Variants in CCDC9 observed in about 807,000 individuals in gnomAD.
CCDC9 encodes coiled-coil domain-containing protein 9.
Under a neutral mutation model 65.6 loss-of-function variants are expected in CCDC9, and 52 were observed. The observed-to-expected ratio is 0.79, with a 90% CI of 0.63 to 1.00. CCDC9 has a LOEUF of 1.00. CCDC9 is among the 50% of genes least tolerant of loss of function. CCDC9 has a pLI of 0.00. For synonymous variants in CCDC9, 332 were observed against 280.3 expected, an observed-to-expected ratio of 1.18 and a Z score of -1.84; for missense variants, 834 against 757.2, an observed-to-expected ratio of 1.10 and a Z score of -1.19.
rs368847208 is a variant in CCDC9 at position 47,261,749 on chromosome 19, G to A, written c.462+910G>A. 3.3e-5 allele frequency among the ~76,000 whole-genome samples: 5 copies of A among 150,080 alleles called. No individual in the cohort carries two copies. In the East Asian group the frequency reaches 7.9e-4, roughly 24 times the overall value. On this transcript the variant is annotated intron_variant, in intron 5 of 11. Transcript: ENST00000221922. Reference sequence around the variant, plus strand: ...AAAAAAAAAAAATGCTGGGCGTGGTGGCTCACGAGGCCTGTAATCCCAGCA... The same window carrying A: ...AAAAAAAAAAAATGCTGGGCGTGGTAGCTCACGAGGCCTGTAATCCCAGCA...
Position 47,271,618 on chromosome 19 carries a change from G to GACC in CCDC9, c.1539_1541dup (p.Thr514dup). 1.2e-6 allele frequency: 2 copies of GACC among 1,610,530 alleles called. No individual in the cohort carries two copies. Among genetic ancestry groups the GACC allele is most frequent in the Non-Finnish European group, 1.7e-6 (2 of 1,178,440 alleles). ...AAGAGGTGGAGCTGAATTCTCCCCG[G>GACC]ACCACTCACCTGGCTGGCGCCCTCT... On this transcript the variant is annotated inframe_insertion, in exon 12 of 12. Coordinates refer to ENST00000221922, the MANE Select transcript of CCDC9 (RefSeq NM_015603.3).
chr19:47,263,849 C>A (rs1490842760), intron 5 of CCDC9, among the ~76,000 whole-genome samples: 1 of 151,160 alleles, frequency 6.6e-6, no homozygotes, highest in Non-Finnish European at 1.5e-5. Flanking sequence ...CAGGCGTGAG[C>A]CACTGTGCCC....
In CCDC9 at chr19:47,264,812, G is replaced by A. The variant is rs1285127722; in HGVS notation, c.586G>A (p.Asp196Asn). The A allele has an allele frequency of 1.3e-6, 2 of 1,574,222 alleles. No homozygotes were observed. Among genetic ancestry groups the A allele is most frequent in the Admixed American group, 1.8e-5 (1 of 56,642 alleles). The change falls in exon 7 of 12, where the codon GAC (aspartate) becomes AAC (asparagine). Residue 196 changes from aspartate to asparagine, a missense_variant. By Grantham distance (23) the Asp-to-Asn change is conservative. Transcript: ENST00000221922. ...ACCCAACCCAGTGCGGAACTTCCTG[G>A]ACGACCCCCGGCGACGCAGCGGGCC... ...LEPNPVRNFL[D>N]DPRRRSGPLE...
At chr19:47,262,562 G>T (rs566494907) in intron 5 of CCDC9, among the ~76,000 whole-genome samples, 1 of 152,218 alleles carries the variant, frequency 6.6e-6, no homozygotes, top group African/African-American at 2.4e-5. Context: ...CCTGGTCATT[G>T]TCTGTGGTAA....
At position 47,271,688 on chromosome 19, in the gene CCDC9, C is replaced by CGTGTGTGTGT. The variant is rs1555803412; in HGVS notation, c.*10_*11insGTGTGTGTGT. ...TTTTGAGAGTGTATGAAGCTGGCTGCCTGTGTGTGTGTGTGTGTGTGTGTG... is the reference window on the plus strand; with the variant it reads ...TTTTGAGAGTGTATGAAGCTGGCTGCGTGTGTGTGTCTGTGTGTGTGTGTGTGTGTGTGTG... On this transcript the variant is annotated 3_prime_UTR_variant, in exon 12 of 12. Coordinates refer to ENST00000221922, the MANE Select transcript of CCDC9 (RefSeq NM_015603.3). 8.8e-6 allele frequency: 12 copies of CGTGTGTGTGT among 1,367,612 alleles called. 1 individual carries two copies. The highest frequency in any genetic ancestry group is 4.1e-5 in the Admixed American group (2 of 49,170). The allele number at this position is 1,367,612 out of a possible 1,614,324, so 84.7% of individuals were successfully genotyped here.
At chr19:47,274,099 C>T (rs2059141281), downstream of CCDC9, 1 of 522,192 alleles carries the variant, frequency 1.9e-6, no homozygotes. Flanking sequence ...AGTCTGGACC[C>T]CTTGGCTCTA....
In CCDC9 at chr19:47,266,637, T is replaced by A; in HGVS notation, c.747T>A (p.Ala249=). 4 of 1,580,058 alleles carry A rather than the reference T, an allele frequency of 2.5e-6. No individual in the cohort carries two copies. The highest frequency in any genetic ancestry group is 1.7e-6 in the Non-Finnish European group (2 of 1,162,732). Residue 249 remains alanine (A), a synonymous_variant, in exon 8 of 12, where the codon GCT becomes GCA. Coordinates refer to ENST00000221922, the MANE Select transcript of CCDC9 (RefSeq NM_015603.3). ...GCCGCCGAGCTGGCCTGGGCAGTGC[T>A]GGAGACATGACGTTGTCCATGACGG... ...RQGRRAGLGS[A]GDMTLSMTGR...
intron 5 of CCDC9, 102 bp from the exon 6 acceptor site, chr19:47,264,501 G>C: frequency 9.0e-7 from 1 of 1,112,780 alleles, no homozygotes; most frequent in Admixed American, 2.0e-5. Flanking sequence ...CAGCAGGCCA[G>C]TCCGAGGAGA....
chr19:47,263,710 T>C (rs1473588987), intron 5 of CCDC9, among the ~76,000 whole-genome samples: 4 of 149,046 alleles, frequency 2.7e-5, no homozygotes, highest in Middle Eastern at 3.6e-3. Flanking sequence ...GGATTACAGG[T>C]GCCCACCACC....
Position 47,258,576 on chromosome 19 carries a change from G to A in CCDC9, c.21G>A (p.Leu7=). 1.9e-6 allele frequency: 3 copies of A among 1,614,098 alleles called. No homozygotes were observed. The highest frequency in any genetic ancestry group is 2.7e-5 in the African/African-American group (2 of 75,022). The change falls in exon 3 of 12, where the codon TTG becomes TTA. Residue 7 remains leucine (L), a synonymous_variant. Coordinates refer to ENST00000221922, the MANE Select transcript of CCDC9 (RefSeq NM_015603.3). Reference sequence around the variant, plus strand: ...GGTCTCAGGCAGCCACACTCGATTTGAAATCAAAGGAGGAGAAGGATGCTG... The same window carrying A: ...GGTCTCAGGCAGCCACACTCGATTTAAAATCAAAGGAGGAGAAGGATGCTG... The part of the protein sequence containing the change: MAATLD[L]KSKEEKDAEL...
chr19:47,270,304 G>A lies in CCDC9; in HGVS notation c.903-103G>A, dbSNP rs148979717. On this transcript the variant is annotated intron_variant, in intron 8 of 11. Transcript: ENST00000221922. The stretch of plus-strand genomic sequence containing the variant: ...TCTAGTGTCCCCTGTCTGGTTGACC[G>A]TCTGTCTCTGATCCGATTCCTGACC... The A allele has an allele frequency of 2.6e-4, 294 of 1,123,830 alleles. 3 individuals are homozygous for A. The East Asian group carries it at 6.6e-3, about 25-fold the overall frequency. 69.6% of individuals were successfully genotyped at this position (1,123,830 alleles called of 1,614,324 possible). A position where few individuals can be genotyped will look rare whatever the true frequency, so the allele number is the denominator to read the frequency against.
At chr19:47,261,074 T>C (rs2059042641) in intron 5 of CCDC9, among the ~76,000 whole-genome samples, 1 of 151,980 alleles carries the variant, frequency 6.6e-6, no homozygotes, top group Non-Finnish European at 1.5e-5. Context: ...GTGTTTTTCC[T>C]TGTCTCTTTC....
Position 47,271,627 on chromosome 19 carries a change from C to T in CCDC9, c.1545C>T (p.His515=). Residue 515 remains histidine, a synonymous_variant, in exon 12 of 12, where the codon CAC becomes CAT. Coordinates refer to ENST00000221922, the MANE Select transcript of CCDC9 (RefSeq NM_015603.3). ...EVELNSPRTT[H]LAGALSPGEA... ...AGCTGAATTCTCCCCGGACCACTCA[C>T]CTGGCTGGCGCCCTCTCCCCGGGTG... 6.2e-7 allele frequency: 1 copy of T among 1,609,454 alleles called. No homozygotes were observed. The highest frequency in any genetic ancestry group is 8.5e-7 in the Non-Finnish European group (1 of 1,177,684).
intron 7 of CCDC9, among the ~76,000 whole-genome samples, chr19:47,265,583 G>C (rs917148108): frequency 3.3e-5 from 5 of 152,080 alleles, no homozygotes; most frequent in Non-Finnish European, 7.4e-5. Flanking sequence ...CGTGGCTCTA[G>C]TTGTTACAGC....
chr19:47,264,727 TG>T, intron 6 of CCDC9, 41 bp downstream of exon 6: 5 of 1,603,360 alleles, frequency 3.1e-6, no homozygotes, highest in Non-Finnish European at 4.3e-6. Flanking sequence ...CCGAGCTGCC[TG>T]GGCTGCGGGG....
In CCDC9 at chr19:47,266,811, C is replaced by A. The variant is rs766120752; in HGVS notation, c.902+19C>A. The stretch of plus-strand genomic sequence containing the variant: ...ATGGGATGTGAGTCTCCTCCCCGCT[C>A]CTCTCCCCATGTGGCACGTTGACCT... On this transcript the variant is annotated intron_variant, in intron 8 of 11. Coordinates refer to ENST00000221922, the MANE Select transcript of CCDC9 (RefSeq NM_015603.3). 61 of 1,593,196 alleles carry A rather than the reference C, an allele frequency of 3.8e-5. 5 individuals carry two copies. The South Asian group carries it at 6.7e-4, about 18-fold the overall frequency.
At position 47,271,500 on chromosome 19, in the gene CCDC9, C is replaced by T. The variant is rs199542686; in HGVS notation, c.1418C>T (p.Pro473Leu). ...CAGGCCCACGGAGTCCCCTTCAGTC[C>T]GGAGGAGCCCCTGCTGGAGCCCCAG... The part of the protein sequence containing the change: ...SEQAHGVPFS[P>L]EEPLLEPQAP... The change falls in exon 12 of 12, where the codon CCG (proline) becomes CTG (leucine). Residue 473 changes from proline to leucine, a missense_variant. Physicochemically the swap from Pro to Leu is moderately conservative, Grantham distance 98. Coordinates refer to ENST00000221922, the MANE Select transcript of CCDC9 (RefSeq NM_015603.3). 2.0e-5 allele frequency: 32 copies of T among 1,613,002 alleles called. No individual in the cohort carries two copies. The highest frequency in any genetic ancestry group is 9.3e-5 in the African/African-American group (7 of 74,966).
downstream of CCDC9, chr19:47,275,515 C>T (rs543328203): frequency 1.4e-4 from 134 of 962,092 alleles, 1 homozygote; most frequent in South Asian, 1.4e-3. Context: ...CAGCTCGGGG[C>T]CTTGCCTCTT....
downstream of CCDC9, among the ~76,000 whole-genome samples, chr19:47,273,055 A>C (rs1040894201): frequency 1.3e-5 from 2 of 150,188 alleles, no homozygotes; most frequent in Non-Finnish European, 3.0e-5. Flanking sequence ...GGGAGAGGAC[A>C]GTTTGCAGCC....
Sources: allele counts gnomAD v4.1 joint callset (sites outside exome capture counted in the v4.1 genomes callset), GRCh38; gene constraint gnomAD v4.1.1; transcripts MANE v1.5; gene names NCBI Gene and HGNC (gene_info 2026-07-23, HGNC 2026-07-21).